ARHGEF28: variants seen among roughly 807,000 people sequenced by gnomAD.
ARHGEF28 encodes Rho guanine nucleotide exchange factor 28.
Under a neutral mutation model 206.6 loss-of-function variants are expected in ARHGEF28, and 152 were observed. The observed-to-expected ratio is 0.74, with a 90% CI of 0.64 to 0.84. ARHGEF28 has a LOEUF of 0.84. Ranked by LOEUF, ARHGEF28 falls within the 40% of genes least tolerant of loss-of-function variation. ARHGEF28 has a pLI of 0.00. For synonymous variants in ARHGEF28, 763 were observed against 776.4 expected (o/e 0.98, Z 0.29); for missense variants, 2,028 against 2,073.2 (o/e 0.98, Z 0.42).
At chr5:73,926,756 G>C (rs75492361) in intron 35 of ARHGEF28, among the ~76,000 whole-genome samples, 42 of 152,298 alleles carry the variant, frequency 2.8e-4, no homozygotes, top group African/African-American at 9.4e-4. Flanking sequence ...CTTTGAGATG[G>C]TGTCCACCTG....
intron 4 of ARHGEF28, among the ~76,000 whole-genome samples, chr5:73,772,333 G>T (rs887332523): frequency 6.6e-6 from 1 of 152,132 alleles, no homozygotes. Flanking sequence ...TGAAGGGGGA[G>T]CTGTGAGGTG....
intron 1 of ARHGEF28, among the ~76,000 whole-genome samples, chr5:73,633,349 G>A (rs1443427994): frequency 4.6e-5 from 7 of 152,134 alleles, no homozygotes; most frequent in Admixed American, 1.3e-4. Context: ...TAGGGAAGAA[G>A]TGACACCTCA....
chr5:73,834,119 T>G (rs180787837), intron 10 of ARHGEF28, among the ~76,000 whole-genome samples: 15 of 152,214 alleles, frequency 9.9e-5, no homozygotes, highest in Non-Finnish European at 7.3e-5. Flanking sequence ...AATGTTTTGA[T>G]ACATGTACAT....
intron 2 of ARHGEF28, among the ~76,000 whole-genome samples, chr5:73,740,609 G>A (rs1030986620): frequency 6.6e-6 from 1 of 152,118 alleles, no homozygotes; most frequent in Non-Finnish European, 1.5e-5. Context: ...TATTTGCAGC[G>A]GTGACCATTT....
At chr5:73,680,547 A>G (rs1274961187) in intron 1 of ARHGEF28, among the ~76,000 whole-genome samples, 1 of 151,696 alleles carries the variant, frequency 6.6e-6, no homozygotes, top group Non-Finnish European at 1.5e-5. Flanking sequence ...ATAAAAGACG[A>G]CACATTGGGT....
intron 2 of ARHGEF28, among the ~76,000 whole-genome samples, chr5:73,733,115 T>C (rs961422709): frequency 6.6e-6 from 1 of 152,200 alleles, no homozygotes; most frequent in Non-Finnish European, 1.5e-5. Context: ...CTTTACCCAA[T>C]GTGTAGTCTT....
In ARHGEF28 at chr5:73,892,150, T is replaced by C; in HGVS notation, c.3486T>C (p.Gly1162=). 6.3e-7 allele frequency: 1 copy of C among 1,585,888 alleles called. No homozygotes were observed. The highest frequency in any genetic ancestry group is 1.2e-5 in the South Asian group (1 of 86,578). ...GMFLISASSA[G]PEMYEIHTNS... is the part of the protein sequence containing the mutation. ...TTCTGATCAGTGCTTCATCTGCTGG[T>C]CCTGAGATGTATGAAATTCACACCA... Residue 1162 remains glycine, a synonymous_variant, in exon 27 of 36, where the codon GGT becomes GGC. Transcript: ENST00000513042.
chr5:73,835,198 A>G (rs1437992788), intron 10 of ARHGEF28: 1 of 152,354 alleles, frequency 6.6e-6, no homozygotes, highest in Non-Finnish European at 1.5e-5. Context: ...CGGGCCGGGC[A>G]CGGTGGCTCA....
At position 73,700,682 on chromosome 5, in the gene ARHGEF28, C is replaced by T. The variant is rs116590207; in HGVS notation, c.33+15798C>T. Among the ~76,000 whole-genome samples the T allele has an allele frequency of 5.0e-3, 762 of 152,118 alleles. 7 individuals carry two copies. Among genetic ancestry groups the T allele is most frequent in the African/African-American group, 0.017 (691 of 41,512 alleles). On this transcript the variant is annotated intron_variant, in intron 2 of 35. Transcript: ENST00000513042. The stretch of plus-strand genomic sequence containing the variant: ...TAAGTGCAAGAGGTGATTGAGTACA[C>T]GAAGTACATTGATTGGATCATTGTA...
intron 23 of ARHGEF28, among the ~76,000 whole-genome samples, chr5:73,883,393 G>A (rs1024662984): frequency 2.0e-5 from 3 of 152,160 alleles, no homozygotes; most frequent in Admixed American, 1.3e-4. Flanking sequence ...AATAACAAAT[G>A]TGGAGGAAGA....
intron 1 of ARHGEF28, among the ~76,000 whole-genome samples, chr5:73,670,194 T>A (rs1217611123): frequency 6.6e-6 from 1 of 152,208 alleles, no homozygotes; most frequent in African/African-American, 2.4e-5. Context: ...GCCACTGTCT[T>A]CCGTATCTAT....
intron 9 of ARHGEF28, among the ~76,000 whole-genome samples, chr5:73,827,386 A>G (rs62357752): frequency 0.13 from 19,430 of 152,216 alleles, 1,308 homozygotes; most frequent in African/African-American, 0.16. Context: ...ATGCAACCTC[A>G]TTTACTTTTT....
At chr5:73,938,160 CCA>C (rs199804024) in intron 35 of ARHGEF28, among the ~76,000 whole-genome samples, 3,488 of 139,598 alleles carry the variant, frequency 0.025, 63 homozygotes, top group African/African-American at 0.048. Context: ...CTACACTACA[CCA>C]CACACACACA....
chr5:73,868,563 A>G (rs1327079344), intron 20 of ARHGEF28, among the ~76,000 whole-genome samples: 2 of 152,220 alleles, frequency 1.3e-5, no homozygotes, highest in Non-Finnish European at 2.9e-5. Context: ...ATAGGATCCT[A>G]TATCAAAAAC....
intron 10 of ARHGEF28, among the ~76,000 whole-genome samples, chr5:73,833,324 C>T (rs74450214): frequency 0.03 from 4,485 of 149,886 alleles, 96 homozygotes; most frequent in Middle Eastern, 0.11. Context: ...ATGTATTTTA[C>T]CCTATTTATA....
chr5:73,783,397 T>C (rs922151891), intron 7 of ARHGEF28, among the ~76,000 whole-genome samples: 2 of 150,680 alleles, frequency 1.3e-5, no homozygotes, highest in Admixed American at 6.6e-5. Context: ...TGTGTGTGTG[T>C]GCGCGCTTCT....
At position 73,846,389 on chromosome 5, in the gene ARHGEF28, T is replaced by A; in HGVS notation, c.1549T>A (p.Leu517Met). 6.2e-7 allele frequency: 1 copy of A among 1,613,976 alleles called. No individual in the cohort carries two copies. Among genetic ancestry groups the A allele is most frequent in the East Asian group, 2.2e-5 (1 of 44,876 alleles). Residue 517 changes from leucine to methionine, a missense_variant, in exon 12 of 36, where the codon TTG (leucine) becomes ATG (methionine). Physicochemically the swap from Leu to Met is conservative, Grantham distance 15 (BLOSUM62 2). Transcript: ENST00000513042. The part of the protein sequence containing the change: ...SRTGIPSGDE[L>M]DSFETNTEPD... ...AACTGGGATTCCTAGTGGGGATGAATTGGACTCTTTTGAGACTAACACTGA... is the reference window on the plus strand; with the variant it reads ...AACTGGGATTCCTAGTGGGGATGAAATGGACTCTTTTGAGACTAACACTGA...
At chr5:73,690,101 A>G (rs1580485943) in intron 2 of ARHGEF28, among the ~76,000 whole-genome samples, 1 of 152,116 alleles carries the variant, frequency 6.6e-6, no homozygotes, top group East Asian at 1.9e-4. Context: ...GAGAAAGTAG[A>G]TAATTTTATT....
chr5:73,875,134 C>T (rs919996975), intron 22 of ARHGEF28, among the ~76,000 whole-genome samples: 5 of 150,654 alleles, frequency 3.3e-5, no homozygotes, highest in Admixed American at 1.3e-4. Context: ...GATGGTATCT[C>T]ATTGTGGTTT....
Sources: gnomAD v4.1 joint callset for allele counts (sites outside exome capture counted in the v4.1 genomes callset) on GRCh38, gnomAD v4.1.1 for gene constraint, MANE v1.5 for transcripts, NCBI Gene and HGNC (gene_info 2026-07-23, HGNC 2026-07-21) for gene names.